The following GPC6 variants were observed in gnomAD, a reference collection of about 807,000 sequenced individuals.
GPC6 encodes the protein glypican 6, also known as glypican-6.
Under a neutral mutation model 55.2 loss-of-function variants are expected in GPC6, and 14 were observed. That is an observed-to-expected ratio of 0.25 (90% CI 0.17 to 0.40). GPC6 has a LOEUF of 0.40. Among genes scored for constraint, GPC6 ranks in the 10% least tolerant of loss-of-function variants. The pLI is 1.00. For synonymous variants in GPC6, 278 were observed against 259.6 expected, an observed-to-expected ratio of 1.07 and a Z score of -0.68; for missense variants, 641 against 708.5, an observed-to-expected ratio of 0.90 and a Z score of 1.08.
chr13:93,464,159 A>T (rs1341301487), intron 1 of GPC6, among the ~76,000 whole-genome samples: 1 of 152,094 alleles, frequency 6.6e-6, no homozygotes, highest in Non-Finnish European at 1.5e-5. Context: ...AGTAAATCCT[A>T]ATCTTTTTGT....
chr13:94,184,696 T>G (rs558241904), intron 4 of GPC6, among the ~76,000 whole-genome samples: 64 of 152,322 alleles, frequency 4.2e-4, no homozygotes, highest in African/African-American at 1.5e-3. Context: ...TCGGTGGGAA[T>G]GTAAATTGTT....
At chr13:93,463,324 G>A (rs572719390) in intron 1 of GPC6, among the ~76,000 whole-genome samples, 59 of 152,186 alleles carry the variant, frequency 3.9e-4, no homozygotes, top group Non-Finnish European at 7.8e-4. Flanking sequence ...GTGTTTCATG[G>A]ACGTTTGCGA....
intron 1 of GPC6, among the ~76,000 whole-genome samples, chr13:93,369,351 C>T (rs1280663769): frequency 1.3e-5 from 2 of 151,864 alleles, no homozygotes; most frequent in South Asian, 2.1e-4. Context: ...AAAAGATATA[C>T]GATGGAAACA....
chr13:93,814,794 G>C (rs766219130), intron 2 of GPC6, among the ~76,000 whole-genome samples: 24 of 152,170 alleles, frequency 1.6e-4, no homozygotes, highest in Admixed American at 4.6e-4. Context: ...CTATCCATCA[G>C]AGCAAGATTA....
At chr13:93,679,602 T>G (rs978167880) in intron 2 of GPC6, among the ~76,000 whole-genome samples, 14 of 152,166 alleles carry the variant, frequency 9.2e-5, no homozygotes, top group Non-Finnish European at 2.1e-4. Flanking sequence ...AGAAAATTCC[T>G]TATGGCACTT....
chr13:93,479,611 C>G (rs944308478), intron 1 of GPC6, among the ~76,000 whole-genome samples: 2 of 141,652 alleles, frequency 1.4e-5, no homozygotes, highest in African/African-American at 2.6e-5. Context: ...TGGTGAGACC[C>G]CCCCCCATCT....
At chr13:93,498,498 G>T (rs756460595) in intron 1 of GPC6, among the ~76,000 whole-genome samples, 1 of 152,176 alleles carries the variant, frequency 6.6e-6, no homozygotes, top group African/African-American at 2.4e-5. Flanking sequence ...CCCATGTGTT[G>T]TGGGAGGAAT....
intron 1 of GPC6, among the ~76,000 whole-genome samples, chr13:93,334,611 T>A (rs1197414483): frequency 6.6e-6 from 1 of 152,014 alleles, no homozygotes; most frequent in East Asian, 1.9e-4. Flanking sequence ...GGATTATAGG[T>A]GTGTGCCAGC....
intron 4 of GPC6, among the ~76,000 whole-genome samples, chr13:94,165,545 T>C (rs1255915017): frequency 6.6e-6 from 1 of 151,986 alleles, no homozygotes; most frequent in Non-Finnish European, 1.5e-5. Flanking sequence ...GTTCACTACA[T>C]ACCGCTTAGG....
rs866997278 is a variant in GPC6 at position 94,372,947 on chromosome 13, G to A, written c.1153-9467G>A. 5.4e-4 allele frequency among the ~76,000 whole-genome samples: 82 copies of A among 152,300 alleles called. No homozygotes were observed. The Middle Eastern group carries it at 0.01, about 19-fold the overall frequency. ...CCTAACTGGGAGGCACCCCCCAGCA[G>A]GAGCACACTGACACCTCACACGGCA... is the stretch of plus-strand genomic sequence containing the variant. On this transcript the variant is annotated intron_variant, in intron 6 of 8. Coordinates refer to ENST00000377047, the MANE Select transcript of GPC6 (RefSeq NM_005708.5).
At chr13:93,962,021 C>G (rs1879800739) in intron 3 of GPC6, among the ~76,000 whole-genome samples, 1 of 152,252 alleles carries the variant, frequency 6.6e-6, no homozygotes, top group Non-Finnish European at 1.5e-5. Flanking sequence ...CATTCCTAGT[C>G]CTCACAACAG....
At chr13:94,151,710 C>T (rs1301990084) in intron 4 of GPC6, among the ~76,000 whole-genome samples, 1 of 152,052 alleles carries the variant, frequency 6.6e-6, no homozygotes, top group Admixed American at 6.6e-5. Flanking sequence ...GACAAGCACA[C>T]TACAGCAGCT....
rs538515308 is a variant in GPC6, at chr13:93,615,758, C to G, written c.319+70337C>G. Among the ~76,000 whole-genome samples the G allele has an allele frequency of 4.6e-5, 7 of 152,236 alleles. No individual in the cohort carries two copies. The East Asian group carries it at 1.4e-3, about 29-fold the overall frequency. ...GAGTACAGACTTGGCCTTGGTTCCA[C>G]AGTGTCCCCTCACTTTCTCTCTAAG... On this transcript the variant is annotated intron_variant, in intron 2 of 8. Transcript: ENST00000377047.
intron 1 of GPC6, among the ~76,000 whole-genome samples, chr13:93,537,022 G>A (rs6492666): frequency 0.059 from 9,048 of 152,178 alleles, 882 homozygotes; most frequent in African/African-American, 0.21. Flanking sequence ...CTGTTAAGCT[G>A]CTGGTCTCTT....
At chr13:93,511,042 GT>G (rs142849504) in intron 1 of GPC6, among the ~76,000 whole-genome samples, 53,858 of 73,920 alleles carry the variant, frequency 0.73, 21,083 homozygotes, top group Non-Finnish European at 0.88. Context: ...GAGATTATTT[GT>G]TTTTTTTTCC....
In GPC6 at chr13:93,263,990, G is replaced by A. The variant is rs1339697322; in HGVS notation, c.160+36374G>A. ...TGCACACCTCCAGGGGCCTGTTTAC[G>A]TGACGGTATCTGTGGATGGAGTTGT... On this transcript the variant is annotated intron_variant, in intron 1 of 8. Coordinates refer to ENST00000377047, the MANE Select transcript of GPC6 (RefSeq NM_005708.5). Among the ~76,000 whole-genome samples the A allele has an allele frequency of 6.6e-5, 10 of 152,080 alleles. No homozygotes were observed. The East Asian group carries it at 9.7e-4, about 15-fold the overall frequency.
At chr13:93,845,279 T>C (rs1888130053) in intron 3 of GPC6, among the ~76,000 whole-genome samples, 1 of 151,034 alleles carries the variant, frequency 6.6e-6, no homozygotes. Context: ...AAAACCACTA[T>C]GAGATATCAT....
intron 3 of GPC6, among the ~76,000 whole-genome samples, chr13:93,913,164 A>G (rs1877099934): frequency 6.6e-6 from 1 of 152,208 alleles, no homozygotes; most frequent in South Asian, 2.1e-4. Flanking sequence ...TTCAACCTAC[A>G]TAGAGAATGA....
intron 2 of GPC6, among the ~76,000 whole-genome samples, chr13:93,668,131 C>T (rs1881220268): frequency 6.6e-6 from 1 of 152,116 alleles, no homozygotes; most frequent in Non-Finnish European, 1.5e-5. Flanking sequence ...AAAATTTCTC[C>T]CTGGCATGGA....
Sources: allele counts gnomAD v4.1 joint callset (sites outside exome capture counted in the v4.1 genomes callset), GRCh38; gene constraint gnomAD v4.1.1; transcripts MANE v1.5; gene names NCBI Gene and HGNC (gene_info 2026-07-23, HGNC 2026-07-21).